Variants in PPFIBP2 observed in about 807,000 individuals in gnomAD.
PPFIBP2 encodes the protein liprin-beta-2.
PPFIBP2 carries 118 observed loss-of-function variants against 118.3 expected under a neutral mutation model. That is an observed-to-expected ratio of 1.00 (90% CI 0.86 to 1.16). The LOEUF (loss-of-function observed/expected upper bound fraction) is 1.16. PPFIBP2 is among the 50% of genes most tolerant of loss of function. The pLI is 0.00. For synonymous variants in PPFIBP2, 414 were observed against 397.4 expected (o/e 1.04, Z -0.50); for missense variants, 1,195 against 1,073.1 (o/e 1.11, Z -1.59).
intron 3 of PPFIBP2, among the ~76,000 whole-genome samples, chr11:7,590,765 A>G (rs1262256308): frequency 6.6e-6 from 1 of 152,202 alleles, no homozygotes; most frequent in East Asian, 1.9e-4. Flanking sequence ...TTTGGCCCAT[A>G]TTGTCCACTA....
chr11:7,618,802 G>A (rs373846969), intron 6 of PPFIBP2, among the ~76,000 whole-genome samples: 5 of 151,426 alleles, frequency 3.3e-5, no homozygotes, highest in Non-Finnish European at 5.9e-5. Context: ...GGCTGGTTTC[G>A]AACTCCTCAT....
chr11:7,665,912 AG>A, the PPFIBP2 span: 35 of 1,535,944 alleles, frequency 2.3e-5, no homozygotes, highest in East Asian at 6.6e-4. Flanking sequence ...ATTGCTCAGT[AG>A]GGTAGCGCCC....
At chr11:7,521,696 T>C (rs2134258963) in intron 1 of PPFIBP2, among the ~76,000 whole-genome samples, 2 of 152,394 alleles carry the variant, frequency 1.3e-5, no homozygotes, top group African/African-American at 4.8e-5. Context: ...TCAGCTCTTG[T>C]GCGTGGCCCC....
At chr11:7,666,552 T>C in the PPFIBP2 span, 1 of 1,610,694 alleles carries the variant, frequency 6.2e-7, no homozygotes, top group South Asian at 1.1e-5. Context: ...CTCCTCTGTC[T>C]AGAAAAGAAG....
At position 7,565,687 on chromosome 11, in the gene PPFIBP2, C is replaced by T; in HGVS notation, c.199C>T (p.Pro67Ser). 1 of 1,614,194 alleles carries T rather than the reference C, an allele frequency of 6.2e-7. No homozygotes were observed. Among genetic ancestry groups the T allele is most frequent in the Non-Finnish European group, 8.5e-7 (1 of 1,180,030 alleles). The stretch of plus-strand genomic sequence containing the variant: ...GCTGGCCTTGGAGATGCTGGAGCTT[C>T]CTCAGGAGAGAGCAGCCCTCCTGAG... ...LRLALEMLELPQERAALLSQI... is the reference protein window; with the variant it reads ...LRLALEMLELSQERAALLSQI... The change falls in exon 3 of 24, where the codon CCT becomes TCT. Residue 67 changes from proline (P) to serine (S), a missense_variant. Coordinates refer to ENST00000299492, the MANE Select transcript of PPFIBP2 (RefSeq NM_003621.5).
At chr11:7,650,748 G>A (rs1407534740) in intron 21 of PPFIBP2, 92 bp from the exon 22 acceptor site, 1 of 1,423,788 alleles carries the variant, frequency 7.0e-7, no homozygotes, top group Non-Finnish European at 9.6e-7. Flanking sequence ...TGATGCGTCT[G>A]GGGCAGGGTT....
Position 7,568,135 on chromosome 11 carries a change from G to A in PPFIBP2, c.279+2368G>A, listed in dbSNP as rs541183588. On this transcript the variant is annotated intron_variant, in intron 3 of 23. Transcript: ENST00000299492. ...GAATTCCTGCTTGGCCATGACACTG[G>A]CCTGACATGGTCCAACTCTGCCTCG... is the stretch of plus-strand genomic sequence containing the variant. Among the ~76,000 whole-genome samples, 3 of 152,286 alleles carry A rather than the reference G, an allele frequency of 2.0e-5. No individual in the cohort carries two copies. In the East Asian group the frequency reaches 5.8e-4, roughly 29 times the overall value.
chr11:7,666,401 G>T, the PPFIBP2 span: 2 of 1,220,390 alleles, frequency 1.6e-6, no homozygotes, highest in Admixed American at 1.7e-5. Context: ...CCTCAAAGTG[G>T]TCAAGGGTTG....
At chr11:7,570,785 C>A (rs1255612180) in intron 3 of PPFIBP2, among the ~76,000 whole-genome samples, 4 of 149,046 alleles carry the variant, frequency 2.7e-5, no homozygotes, top group Non-Finnish European at 6.0e-5. Context: ...AGGGTTCTAC[C>A]CTGGCTCTAC....
chr11:7,662,243 T>G, the PPFIBP2 span, among the ~76,000 whole-genome samples: 1 of 152,146 alleles, frequency 6.6e-6, no homozygotes, highest in Non-Finnish European at 1.5e-5. Flanking sequence ...TTCCTAGTCT[T>G]GATGGTCTTT....
chr11:7,656,736 A>G (rs772132835), downstream of PPFIBP2: 6 of 1,289,702 alleles, frequency 4.7e-6, no homozygotes, highest in Admixed American at 6.9e-5. Flanking sequence ...GACAATGCTG[A>G]GCCAGGACCA....
At chr11:7,615,750 G>A (rs567443435) in intron 6 of PPFIBP2, among the ~76,000 whole-genome samples, 15 of 152,326 alleles carry the variant, frequency 9.8e-5, no homozygotes, top group African/African-American at 3.6e-4. Flanking sequence ...AAAGTGATAG[G>A]TACCTTGAGA....
chr11:7,620,909 C>T (rs1268535691), intron 6 of PPFIBP2, 26 bp from the exon 7 acceptor site: 2 of 1,529,500 alleles, frequency 1.3e-6, no homozygotes, highest in Non-Finnish European at 9.1e-7. Context: ...ACCATCAGAA[C>T]TTTGTCTTTC....
In PPFIBP2 at chr11:7,635,466, A is replaced by C; in HGVS notation, c.1195-86A>C. The C allele has an allele frequency of 1.6e-5, 21 of 1,323,732 alleles. No homozygotes were observed. The South Asian group carries it at 2.5e-4, about 16-fold the overall frequency. 82.0% of individuals were successfully genotyped at this position (1,323,732 alleles called of 1,614,324 possible). ...GGGATGCGCCTTTCAGATTTAAGCA[A>C]ACAGGTAGTCCTGAGTTGTTGCTGT... On this transcript the variant is annotated intron_variant, in intron 13 of 23. Transcript: ENST00000299492.
the PPFIBP2 span, among the ~76,000 whole-genome samples, chr11:7,662,164 T>C: frequency 1.7e-4 from 26 of 150,914 alleles, no homozygotes; most frequent in Non-Finnish European, 3.6e-4. Context: ...GTTAATATTG[T>C]TATGTGTGAA....
chr11:7,632,894 G>C lies in PPFIBP2; in HGVS notation c.1096G>C (p.Val366Leu). Residue 366 changes from valine (V) to leucine (L), a missense_variant, in exon 12 of 24, where the codon GTG (valine) becomes CTG (leucine). Physicochemically the swap from Val to Leu is conservative, Grantham distance 32. Transcript: ENST00000299492. ...EMPPRCSSPT[V>L]GPPPLPQKSL... is the part of the protein sequence containing the mutation. ...GCCTCCAAGATGTAGCTCTCCTACA[G>C]TGGGGCCACCTCCATTGCCACAGAA... 6.2e-7 allele frequency: 1 copy of C among 1,613,988 alleles called. No individual in the cohort carries two copies. Among genetic ancestry groups the C allele is most frequent in the Non-Finnish European group, 8.5e-7 (1 of 1,179,866 alleles).
intron 1 of PPFIBP2, among the ~76,000 whole-genome samples, chr11:7,542,600 C>T (rs191253564): frequency 6.6e-6 from 1 of 152,240 alleles, no homozygotes; most frequent in African/African-American, 2.4e-5. Context: ...TATTTTCCCC[C>T]CATTTGTCAT....
At chr11:7,563,652 G>A (rs1416780503) in intron 2 of PPFIBP2, among the ~76,000 whole-genome samples, 2 of 152,170 alleles carry the variant, frequency 1.3e-5, no homozygotes, top group African/African-American at 4.8e-5. Context: ...TTCCAGTAGA[G>A]TCCTAATTTC....
chr11:7,629,586 G>C lies in PPFIBP2; in HGVS notation c.964+52G>C, dbSNP rs756223686. 18 of 1,573,374 alleles carry C rather than the reference G, an allele frequency of 1.1e-5. No individual in the cohort carries two copies. In the South Asian group the frequency reaches 1.3e-4, roughly 12 times the overall value. On this transcript the variant is annotated intron_variant, in intron 10 of 23. Coordinates refer to ENST00000299492, the MANE Select transcript of PPFIBP2 (RefSeq NM_003621.5). ...GTCTCTGAAAGATATTCCATCAGCTGTGTTAAAGCCAGGGGCAGTTCTGCT... is the reference window on the plus strand; with the variant it reads ...GTCTCTGAAAGATATTCCATCAGCTCTGTTAAAGCCAGGGGCAGTTCTGCT...
Sources: gnomAD v4.1 joint callset for allele counts (sites outside exome capture counted in the v4.1 genomes callset) on GRCh38, gnomAD v4.1.1 for gene constraint, MANE v1.5 for transcripts, NCBI Gene and HGNC (gene_info 2026-07-23, HGNC 2026-07-21) for gene names.